The following TRABD2B variants were observed in gnomAD, a reference collection of about 807,000 sequenced individuals.
TRABD2B encodes TraB domain containing 2B.
In TRABD2B, 14 loss-of-function variants were observed where a neutral mutation model predicts 40.1. The ratio of observed to expected loss-of-function variants is 0.35; its 90% CI spans 0.23 to 0.55. The LOEUF is 0.55. Ranked by LOEUF, TRABD2B falls within the 20% of genes least tolerant of loss-of-function variation. The pLI is 0.90. For synonymous variants in TRABD2B, 263 were observed against 277.0 expected (o/e 0.95, Z 0.50); for missense variants, 541 against 648.6 (o/e 0.83, Z 1.80).
At chr1:47,768,259 G>A (rs558946747) in intron 6 of TRABD2B, among the ~76,000 whole-genome samples, 1 of 152,284 alleles carries the variant, frequency 6.6e-6, no homozygotes, top group Non-Finnish European at 1.5e-5. Flanking sequence ...CAGGAGGGGA[G>A]GGAGCAAACT....
At chr1:47,898,682 C>G (rs1557644553) in intron 2 of TRABD2B, among the ~76,000 whole-genome samples, 1 of 152,184 alleles carries the variant, frequency 6.6e-6, no homozygotes, top group Non-Finnish European at 1.5e-5. Flanking sequence ...TAGCCTTGAT[C>G]TCTCCCACGT....
intron 2 of TRABD2B, among the ~76,000 whole-genome samples, chr1:47,862,778 A>G (rs1643992824): frequency 6.6e-6 from 1 of 151,872 alleles, no homozygotes; most frequent in Non-Finnish European, 1.5e-5. Flanking sequence ...TAGTGAACAC[A>G]ATATTAAAGG....
rs144684607 is a variant in TRABD2B at position 47,863,032 on chromosome 1, C to T, written c.667-61413G>A. On this transcript the variant is annotated intron_variant, in intron 2 of 6. Coordinates refer to ENST00000606738, the MANE Select transcript of TRABD2B (RefSeq NM_001194986.2). Reference sequence around the variant, plus strand: ...TCACATGTAAAATAATGAATCTAGGCACAGACCTTACACTCTTCACAAAAA... The same window carrying T: ...TCACATGTAAAATAATGAATCTAGGTACAGACCTTACACTCTTCACAAAAA... Among the ~76,000 whole-genome samples, 42 of 152,118 alleles carry T rather than the reference C, an allele frequency of 2.8e-4. No individual in the cohort carries two copies. In the East Asian group the frequency reaches 7.4e-3, roughly 27 times the overall value.
chr1:47,781,245 G>A (rs1411849608), intron 4 of TRABD2B, among the ~76,000 whole-genome samples: 2 of 152,214 alleles, frequency 1.3e-5, no homozygotes, highest in Non-Finnish European at 2.9e-5. Flanking sequence ...TTGGAGACCT[G>A]TGCAAAGACA....
intron 2 of TRABD2B, among the ~76,000 whole-genome samples, chr1:47,842,961 G>C (rs1645418983): frequency 6.6e-6 from 1 of 152,160 alleles, no homozygotes; most frequent in South Asian, 2.1e-4. Flanking sequence ...GGGGCTAAGA[G>C]AGCTGTCCTG....
intron 2 of TRABD2B, among the ~76,000 whole-genome samples, chr1:47,823,521 T>C (rs1355468455): frequency 6.6e-6 from 1 of 152,224 alleles, no homozygotes; most frequent in Non-Finnish European, 1.5e-5. Flanking sequence ...GGCCTGGGGC[T>C]TTGGGGAAGG....
Position 47,932,663 on chromosome 1 carries a change from G to T in TRABD2B, c.666+61371C>A, listed in dbSNP as rs146554102. On this transcript the variant is annotated intron_variant, in intron 2 of 6. Transcript: ENST00000606738. ...ATTAAGGAAGCAAGTGAACAAGCGG[G>T]TGTAATTTATCCACAAGAACAGCCA... Among the ~76,000 whole-genome samples, 16 of 152,274 alleles carry T rather than the reference G, an allele frequency of 1.1e-4. No homozygotes were observed. In the East Asian group the frequency reaches 2.9e-3, roughly 28 times the overall value.
At position 47,994,473 on chromosome 1, in the gene TRABD2B, A is replaced by G; in HGVS notation, c.227T>C (p.Phe76Ser). ...AAAGTAGACACGGGTGCTAGCCTGG[A>G]AGGCTGCCTTGGAGTTGTCCGGGAT... ...DFIPDNSKAA[F>S]QASTRVYFEL... The change falls in exon 2 of 7, where the codon TTC becomes TCC. Residue 76 changes from phenylalanine (F) to serine (S), a missense_variant. Transcript: ENST00000606738. The surrounding 1 kb of genome is among the most constrained non-coding windows in gnomAD (Gnocchi z 6.7). 6.5e-7 allele frequency: 1 copy of G among 1,536,184 alleles called. No homozygotes were observed. The highest frequency in any genetic ancestry group is 8.7e-7 in the Non-Finnish European group (1 of 1,146,918).
intron 2 of TRABD2B, among the ~76,000 whole-genome samples, chr1:47,882,778 A>T (rs1260852782): frequency 6.6e-6 from 1 of 152,136 alleles, no homozygotes; most frequent in Non-Finnish European, 1.5e-5. Flanking sequence ...GGAAATAGCC[A>T]TAAGTTGGTA....
intron 4 of TRABD2B, among the ~76,000 whole-genome samples, chr1:47,781,798 C>T (rs556336680): frequency 2.3e-3 from 345 of 152,324 alleles, no homozygotes; most frequent in Non-Finnish European, 3.6e-3. Context: ...GCGGTTCCTG[C>T]GCTCCCGAGC....
At chr1:47,889,919 G>A (rs1446796479) in intron 2 of TRABD2B, among the ~76,000 whole-genome samples, 1 of 152,200 alleles carries the variant, frequency 6.6e-6, no homozygotes, top group African/African-American at 2.4e-5. Context: ...AATGTGCTTA[G>A]GACAGTGTCT....
intron 2 of TRABD2B, among the ~76,000 whole-genome samples, chr1:47,821,717 T>G (rs903965902): frequency 2.0e-5 from 3 of 152,090 alleles, no homozygotes; most frequent in Non-Finnish European, 2.9e-5. Context: ...CTGCACCCTG[T>G]GATCCTGCAA....
chr1:47,960,309 C>T (rs745903159), intron 2 of TRABD2B, among the ~76,000 whole-genome samples: 45 of 152,118 alleles, frequency 3.0e-4, no homozygotes, highest in South Asian at 4.1e-4. Context: ...TGGCACAAGA[C>T]GGGGATGCCC....
intron 2 of TRABD2B, among the ~76,000 whole-genome samples, chr1:47,840,692 CAGTTG>C (rs1645384574): frequency 6.6e-6 from 1 of 152,210 alleles, no homozygotes; most frequent in South Asian, 2.1e-4. Context: ...GTCCTGACCA[CAGTTG>C]AGTTATGAGC....
intron 2 of TRABD2B, chr1:47,818,298 G>A (rs1645062290): frequency 6.6e-6 from 1 of 152,394 alleles, no homozygotes; most frequent in Admixed American, 6.5e-5. Context: ...AGGATGGGGA[G>A]TGGGGACCAC....
At chr1:47,829,293 A>T (rs1349249416) in intron 2 of TRABD2B, among the ~76,000 whole-genome samples, 2 of 152,054 alleles carry the variant, frequency 1.3e-5, no homozygotes, top group Admixed American at 6.6e-5. Context: ...CAGTTCCTGG[A>T]GGGGCTTCAC....
chr1:47,964,058 T>C (rs1361501128), intron 2 of TRABD2B, among the ~76,000 whole-genome samples: 1 of 152,190 alleles, frequency 6.6e-6, no homozygotes, highest in Non-Finnish European at 1.5e-5. Context: ...GTGTTGTTTT[T>C]TTCCCCCTAC....
intron 2 of TRABD2B, among the ~76,000 whole-genome samples, chr1:47,847,210 C>A (rs1025220096): frequency 6.6e-6 from 1 of 152,172 alleles, no homozygotes; most frequent in Non-Finnish European, 1.5e-5. Context: ...GAGGACACTA[C>A]CTCAACTGAA....
chr1:47,960,263 G>C (rs1160454568), intron 2 of TRABD2B, among the ~76,000 whole-genome samples: 2 of 152,170 alleles, frequency 1.3e-5, no homozygotes, highest in Non-Finnish European at 2.9e-5. Flanking sequence ...ATATCATACT[G>C]AATGGGCAAA....
Sources: allele counts gnomAD v4.1 joint callset (sites outside exome capture counted in the v4.1 genomes callset), GRCh38; gene constraint gnomAD v4.1.1; non-coding constraint Gnocchi (gnomAD v3.1); transcripts MANE v1.5; gene names NCBI Gene and HGNC (gene_info 2026-07-23, HGNC 2026-07-21).